DDX21: variants seen among roughly 807,000 people sequenced by gnomAD.
DDX21 encodes DExD-box helicase 21, also known as nucleolar RNA helicase 2.
A neutral mutation model predicts 90.0 loss-of-function variants in DDX21; 18 were observed. The ratio of observed to expected loss-of-function variants is 0.20; its 90% CI spans 0.14 to 0.30. The LOEUF is 0.30. Ranked by LOEUF, DDX21 falls within the 10% of genes least tolerant of loss-of-function variation. The probability of loss-of-function intolerance (pLI) is 1.00; values close to 1 mark genes in which losing one functional copy is unlikely to be tolerated. For synonymous variants in DDX21, 294 were observed against 318.0 expected (o/e 0.92, Z 0.80); for missense variants, 673 against 944.5 (o/e 0.71, Z 3.77).
Position 68,965,233 on chromosome 10 carries a change from A to G in DDX21, c.787-144A>G, listed in dbSNP as rs547214497. On this transcript the variant is annotated intron_variant, in intron 4 of 14. Transcript: ENST00000354185. The stretch of plus-strand genomic sequence containing the variant: ...TTTAGTAGAGTCTCAGATCTATTAG[A>G]CAAAAATATTAGATAATGTTATCGT... The G allele has an allele frequency of 1.4e-5, 8 of 578,350 alleles. No homozygotes were observed. In the East Asian group the frequency reaches 2.4e-4, roughly 17 times the overall value. 35.8% of individuals were successfully genotyped at this position (578,350 alleles called of 1,614,324 possible).
In DDX21 at chr10:68,968,936, G is replaced by A. The variant is rs768746634; in HGVS notation, c.1091-40G>A. The A allele has an allele frequency of 3.1e-6, 5 of 1,606,948 alleles. No individual in the cohort carries two copies. The East Asian group carries it at 6.7e-5, about 22-fold the overall frequency. On this transcript the variant is annotated intron_variant, in intron 6 of 14. Coordinates refer to ENST00000354185, the MANE Select transcript of DDX21 (RefSeq NM_004728.4). ...GGTGGAATACTATGTAGGCTTGTTT[G>A]GATTATTCATACTGACTTTTTTTTT...
At position 68,983,600 on chromosome 10, in the gene DDX21, G is replaced by GTA. The variant is rs2132100044; in HGVS notation, c.*789_*790dup. ...AGGCTGGATAAATGGTGCTTAAATG[G>GTA]TAATGTACTCCACTTCTTCCTATTG... On this transcript the variant is annotated 3_prime_UTR_variant, in exon 15 of 15. Transcript: ENST00000354185. The GTA allele has an allele frequency of 6.6e-6, 1 of 150,876 alleles. No homozygotes were observed. The highest frequency in any genetic ancestry group is 6.6e-5 in the Admixed American group (1 of 15,098). The allele number at this position is 150,876 out of a possible 1,614,324, so 9.3% of individuals were successfully genotyped here.
At chr10:68,962,196 T>C in intron 3 of DDX21, 39 bp downstream of exon 3, 1 of 1,454,820 alleles carries the variant, frequency 6.9e-7, no homozygotes, top group South Asian at 1.2e-5. Flanking sequence ...TTAGAACGTA[T>C]TATTTTAACA....
At chr10:68,977,159 A>T (rs12411827) in intron 11 of DDX21, among the ~76,000 whole-genome samples, 19,796 of 152,170 alleles carry the variant, frequency 0.13, 2,387 homozygotes, top group African/African-American at 0.32. Context: ...CTCTTGACAT[A>T]ATTCATCATC....
intron 13 of DDX21, among the ~76,000 whole-genome samples, chr10:68,980,919 A>C (rs1480614580): frequency 6.7e-6 from 1 of 149,746 alleles, no homozygotes; most frequent in Admixed American, 6.7e-5. Context: ...GCACCACTGC[A>C]CTCCAGCCTA....
At chr10:68,965,348 A>C in intron 4 of DDX21, 29 bp from the exon 5 acceptor site, 1 of 1,557,376 alleles carries the variant, frequency 6.4e-7, no homozygotes, top group Non-Finnish European at 8.8e-7. Flanking sequence ...CTACACAGTA[A>C]TTTGAATTCA....
chr10:68,982,526 A>T lies in DDX21; in HGVS notation c.2083-17A>T, dbSNP rs1031658265. The T allele has an allele frequency of 5.0e-6, 8 of 1,585,274 alleles. No individual in the cohort carries two copies. The East Asian group carries it at 1.8e-4, about 36-fold the overall frequency. ...ATACTAATTAAAGCACACAAAAACA[A>T]AACATTCTCTCAACAGGAGAAATGG... is the stretch of plus-strand genomic sequence containing the variant. On this transcript the variant is annotated splice_polypyrimidine_tract_variant and intron_variant, in intron 14 of 14. Coordinates refer to ENST00000354185, the MANE Select transcript of DDX21 (RefSeq NM_004728.4).
rs756169881 is a variant in DDX21, at chr10:68,982,643, G to A, written c.2183G>A (p.Arg728Gln). The A allele has an allele frequency of 2.5e-5, 41 of 1,613,198 alleles. No individual in the cohort carries two copies. Among genetic ancestry groups the A allele is most frequent in the Non-Finnish European group, 3.2e-5 (38 of 1,179,666 alleles). Residue 728 changes from arginine to glutamine, a missense_variant, in exon 15 of 15, where the codon CGG becomes CAG. By Grantham distance (43) the Arg-to-Gln change is conservative (BLOSUM62 1). Coordinates refer to ENST00000354185, the MANE Select transcript of DDX21 (RefSeq NM_004728.4). ...REGYGGFRGQ[R>Q]EGSRGFRGQR... is the part of the protein sequence containing the mutation. ...GGATATGGAGGCTTCAGGGGACAGC[G>A]GGAAGGCAGTCGAGGCTTCAGGGGA...
rs141266791 is a variant in DDX21 at position 68,964,737 on chromosome 10, T to C, written c.787-640T>C. The stretch of plus-strand genomic sequence containing the variant: ...GGAGTGCGGTGGTGCAATCTTAACC[T>C]CTGCCTCGCAGGTTTAAGTGATCCT... On this transcript the variant is annotated intron_variant, in intron 4 of 14. Transcript: ENST00000354185. 3.2e-3 allele frequency among the ~76,000 whole-genome samples: 451 copies of C among 139,330 alleles called. 3 individuals are homozygous for C. The highest frequency in any genetic ancestry group is 0.011 in the African/African-American group (427 of 38,002). The allele number at this position is 139,330 out of a possible 152,430, so 91.4% of individuals were successfully genotyped here. A position where few individuals can be genotyped will look rare whatever the true frequency, so the allele number is the denominator to read the frequency against.
intron 1 of DDX21, among the ~76,000 whole-genome samples, chr10:68,957,858 G>C (rs971163649): frequency 6.6e-6 from 1 of 152,154 alleles, no homozygotes; most frequent in Non-Finnish European, 1.5e-5. Flanking sequence ...TTCCAACATT[G>C]TTCTGGGGCT....
chr10:68,980,500 T>C (rs901676277), intron 13 of DDX21, among the ~76,000 whole-genome samples: 7 of 152,214 alleles, frequency 4.6e-5, no homozygotes, highest in Non-Finnish European at 1.0e-4. Context: ...ACTTCGTAAA[T>C]ATGTAAGCGA....
chr10:68,966,630 A>G (rs1695388092), intron 5 of DDX21, among the ~76,000 whole-genome samples: 1 of 151,456 alleles, frequency 6.6e-6, no homozygotes, highest in South Asian at 2.1e-4. Flanking sequence ...TTTAGTAAAG[A>G]TGGTGTTTCA....
Position 68,984,112 on chromosome 10 carries a change from G to A in DDX21, c.*1300G>A, listed in dbSNP as rs1174537800. ...GGGAAACATTCTACATAGCACAGGA[G>A]CTTAAGAGTGGCATTATCTTCTCGC... On this transcript the variant is annotated 3_prime_UTR_variant, in exon 15 of 15. Transcript: ENST00000354185. 2 of 152,202 alleles carry A rather than the reference G, an allele frequency of 1.3e-5. No individual in the cohort carries two copies. Among genetic ancestry groups the A allele is most frequent in the South Asian group, 2.1e-4 (1 of 4,828 alleles). The allele number at this position is 152,202 out of a possible 1,614,324, so 9.4% of individuals were successfully genotyped here. A position where few individuals can be genotyped will look rare whatever the true frequency, so the allele number is the denominator to read the frequency against.
At chr10:68,964,762 T>TC (rs1232616879) in intron 4 of DDX21, among the ~76,000 whole-genome samples, 5 of 146,714 alleles carry the variant, frequency 3.4e-5, no homozygotes, top group African/African-American at 1.3e-4. Context: ...TAAGTGATCC[T>TC]CCCGCCTCAA....
chr10:68,982,718 G>A lies in DDX21; in HGVS notation c.2258G>A (p.Gly753Asp). The stretch of plus-strand genomic sequence containing the variant: ...AGAGGACAGCGGGAAGGCAGTAGAG[G>A]CCCGAGAGGACAGCGATCAGGAGGT... The part of the protein sequence containing the change: ...RFRGQREGSR[G>D]PRGQRSGGGN... Residue 753 changes from glycine to aspartate, a missense_variant, in exon 15 of 15, where the codon GGC becomes GAC. Physicochemically the swap from Gly to Asp is moderately conservative, Grantham distance 94 (BLOSUM62 -1). This residue lies in a region of DDX21 where 225 missense variants were observed against 298.8 expected (regional missense o/e 0.75). Transcript: ENST00000354185. The A allele has an allele frequency of 6.2e-7, 1 of 1,614,076 alleles. No homozygotes were observed. Among genetic ancestry groups the A allele is most frequent in the Non-Finnish European group, 8.5e-7 (1 of 1,180,022 alleles).
intron 11 of DDX21, among the ~76,000 whole-genome samples, chr10:68,976,788 T>C (rs930013514): frequency 6.6e-6 from 1 of 152,184 alleles, no homozygotes; most frequent in Non-Finnish European, 1.5e-5. Context: ...TGCATGTCAC[T>C]TTCTCCCCTT....
In DDX21 at chr10:68,982,779, G is replaced by A; in HGVS notation, c.2319G>A (p.Gln773=). 1.9e-6 allele frequency: 3 copies of A among 1,614,188 alleles called. No individual in the cohort carries two copies. The highest frequency in any genetic ancestry group is 2.5e-6 in the Non-Finnish European group (3 of 1,180,040). ...GTAACAGATCCCAAAACAAAGGCCAGAAGCGGAGTTTCAGTAAAGCATTTG... is the reference window on the plus strand; with the variant it reads ...GTAACAGATCCCAAAACAAAGGCCAAAAGCGGAGTTTCAGTAAAGCATTTG... ...NKSNRSQNKG[Q]KRSFSKAFGQ The change falls in exon 15 of 15, where the codon CAG becomes CAA. Residue 773 remains glutamine (Q), a synonymous_variant. Coordinates refer to ENST00000354185, the MANE Select transcript of DDX21 (RefSeq NM_004728.4).
rs1266347458 is a variant in DDX21 at position 68,971,902 on chromosome 10, C to G, written c.1398C>G (p.Ser466=). Residue 466 remains serine (S), a synonymous_variant, in exon 9 of 15, where the codon TCC becomes TCG. Coordinates refer to ENST00000354185, the MANE Select transcript of DDX21 (RefSeq NM_004728.4). Reference sequence around the variant, plus strand: ...TTATTTATTGGCAGGATGCTCAGTCCTTGCATGGAGACATTCCACAGAAGC... The same window carrying G: ...TTATTTATTGGCAGGATGCTCAGTCGTTGCATGGAGACATTCCACAGAAGC... ...QNSAIKQDAQ[S]LHGDIPQKQR... is the part of the protein sequence containing the mutation. 6.2e-7 allele frequency: 1 copy of G among 1,613,894 alleles called. No homozygotes were observed. The highest frequency in any genetic ancestry group is 2.2e-5 in the East Asian group (1 of 44,868).
Position 68,956,204 on chromosome 10 carries a change from G to C in DDX21, c.-22G>C. 1 of 1,613,118 alleles carries C rather than the reference G, an allele frequency of 6.2e-7. No homozygotes were observed. The highest frequency in any genetic ancestry group is 8.5e-7 in the Non-Finnish European group (1 of 1,179,438). On this transcript the variant is annotated 5_prime_UTR_variant, in exon 1 of 15. Coordinates refer to ENST00000354185, the MANE Select transcript of DDX21 (RefSeq NM_004728.4). ...TCCACGCGGTTGAGAAGACCGGTCG[G>C]CCTGGGCAACCTGCGCTGAAGATGC... is the stretch of plus-strand genomic sequence containing the variant.
Sources: allele counts gnomAD v4.1 joint callset (sites outside exome capture counted in the v4.1 genomes callset), GRCh38; gene constraint gnomAD v4.1.1; regional missense constraint gnomAD v4.1.1; transcripts MANE v1.5; gene names NCBI Gene and HGNC (gene_info 2026-07-23, HGNC 2026-07-21).